The following SEL1L3 variants were observed in gnomAD, a reference collection of about 807,000 sequenced individuals.
The protein encoded by SEL1L3 is protein sel-1 homolog 3.
SEL1L3 carries 76 observed loss-of-function variants against 142.8 expected under a neutral mutation model. That is an observed-to-expected ratio of 0.53 (90% confidence interval 0.44 to 0.64). The LOEUF is 0.64. Ranked by LOEUF, SEL1L3 falls within the 30% of genes least tolerant of loss-of-function variation. The probability of loss-of-function intolerance (pLI) is 0.00; values close to 1 mark genes in which losing one functional copy is unlikely to be tolerated. For synonymous variants in SEL1L3, 504 were observed against 519.6 expected (o/e 0.97, Z 0.41); for missense variants, 1,262 against 1,381.7 (o/e 0.91, Z 1.37).
intron 15 of SEL1L3, 123 bp from the exon 16 acceptor site, chr4:25,779,326 C>G: frequency 2.8e-6 from 3 of 1,073,864 alleles, no homozygotes; most frequent in Non-Finnish European, 3.9e-6. Context: ...AGCTTTAAAA[C>G]CAGGGCAAGC....
At chr4:25,854,920 G>A (rs1717155816) in intron 1 of SEL1L3, among the ~76,000 whole-genome samples, 1 of 152,238 alleles carries the variant, frequency 6.6e-6, no homozygotes, top group African/African-American at 2.4e-5. Flanking sequence ...GAAACTTCGG[G>A]GTGGGGCAAT....
chr4:25,808,192 A>G (rs1048375142), intron 9 of SEL1L3, among the ~76,000 whole-genome samples: 3 of 152,184 alleles, frequency 2.0e-5, no homozygotes, highest in African/African-American at 7.2e-5. Context: ...GTAACTAAAA[A>G]CATGCCTTGT....
chr4:25,754,722 C>T (rs982002357), intron 23 of SEL1L3, among the ~76,000 whole-genome samples: 1 of 152,100 alleles, frequency 6.6e-6, no homozygotes, highest in Admixed American at 6.6e-5. Flanking sequence ...CCTACTGAAC[C>T]AAAATCTACT....
At chr4:25,765,554 T>A (rs1718661489) in intron 19 of SEL1L3, 119 bp from the exon 20 acceptor site, 5 of 664,584 alleles carry the variant, frequency 7.5e-6, no homozygotes, top group Non-Finnish European at 1.3e-5. Flanking sequence ...ATACAGAACA[T>A]CTTTATGTTT....
chr4:25,808,862 A>G (rs1406990224), intron 9 of SEL1L3, among the ~76,000 whole-genome samples: 3 of 152,388 alleles, frequency 2.0e-5, no homozygotes, highest in South Asian at 2.1e-4. Context: ...GAGGTCAGGA[A>G]ATCGAGAACA....
Position 25,862,786 on chromosome 4 carries a change from T to TTGG in SEL1L3, c.50_51insCCA (p.Gln16_Gln17insHis). Reference sequence around the variant, plus strand: ...GGGGGCCGACCGCGAGCGGCGGGGGTTGCTGCTGCTGCTGCCGCGGCCACC... The same window carrying TTGG: ...GGGGGCCGACCGCGAGCGGCGGGGGTTGGTGCTGCTGCTGCTGCCGCGGCCACC... On this transcript the variant is annotated inframe_insertion, in exon 1 of 24. Transcript: ENST00000399878. 8.4e-7 allele frequency: 1 copy of TTGG among 1,186,782 alleles called. No individual in the cohort carries two copies. Among genetic ancestry groups the TTGG allele is most frequent in the East Asian group, 3.7e-5 (1 of 27,178 alleles). 73.5% of individuals were successfully genotyped at this position (1,186,782 alleles called of 1,614,324 possible).
chr4:25,840,132 G>T (rs1317815076), intron 2 of SEL1L3, among the ~76,000 whole-genome samples: 1 of 152,186 alleles, frequency 6.6e-6, no homozygotes, highest in Non-Finnish European at 1.5e-5. Flanking sequence ...TTAAAGAAAG[G>T]TTGAGAATAA....
the SEL1L3 span, among the ~76,000 whole-genome samples, chr4:25,726,295 C>T: frequency 4.6e-5 from 7 of 151,734 alleles, no homozygotes; most frequent in East Asian, 7.8e-4. Flanking sequence ...TTTGTGAGGC[C>T]AAGGCGGGCA....
Position 25,757,781 on chromosome 4 carries a change from G to A in SEL1L3, c.3093C>T (p.Ser1031=), listed in dbSNP as rs1340753407. 2 of 1,577,938 alleles carry A rather than the reference G, an allele frequency of 1.3e-6. No homozygotes were observed. Among genetic ancestry groups the A allele is most frequent in the Non-Finnish European group, 1.7e-6 (2 of 1,162,416 alleles). Residue 1031 remains serine (S), a synonymous_variant, in exon 22 of 24, where the codon AGC becomes AGT. Transcript: ENST00000399878. The part of the protein sequence containing the change: ...ILQELYERCW[S]HSNEESFSPC... ...GGCTGAAGGACTCCTCGTTACTGTG[G>A]CTCCAGCACCTGCAGACAAAGCCCA...
intron 21 of SEL1L3, 58 bp from the exon 22 acceptor site, chr4:25,757,848 G>A: frequency 8.1e-7 from 1 of 1,230,452 alleles, no homozygotes; most frequent in Non-Finnish European, 1.2e-6. Context: ...GCACGACTCA[G>A]GACTGGCATT....
At chr4:25,791,932 T>C (rs1248650164) in intron 11 of SEL1L3, among the ~76,000 whole-genome samples, 1 of 149,094 alleles carries the variant, frequency 6.7e-6, no homozygotes, top group Non-Finnish European at 1.5e-5. Context: ...AAAAAAGTAC[T>C]GAGAGTCACA....
chr4:25,840,546 G>C (rs1716105892), intron 2 of SEL1L3, among the ~76,000 whole-genome samples: 1 of 152,156 alleles, frequency 6.6e-6, no homozygotes. Flanking sequence ...GAGTGGAGAA[G>C]AAGAAAACTG....
intron 13 of SEL1L3, among the ~76,000 whole-genome samples, chr4:25,786,903 C>G (rs1383589258): frequency 6.6e-6 from 1 of 152,206 alleles, no homozygotes; most frequent in African/African-American, 2.4e-5. Context: ...AATGTAGCCA[C>G]AGTCATGGTT....
chr4:25,813,211 C>CA (rs1279742604), intron 9 of SEL1L3, among the ~76,000 whole-genome samples: 3 of 152,080 alleles, frequency 2.0e-5, no homozygotes, highest in Non-Finnish European at 4.4e-5. Flanking sequence ...ATATATCTAA[C>CA]AAAAAATGAA....
chr4:25,843,276 TG>T (rs887227841), intron 2 of SEL1L3, among the ~76,000 whole-genome samples: 5 of 131,452 alleles, frequency 3.8e-5, no homozygotes, highest in African/African-American at 1.5e-4. Context: ...TGGCTGCTGG[TG>T]GGGGGTGAGG....
At chr4:25,745,884 C>A (rs904246952), downstream of SEL1L3, among the ~76,000 whole-genome samples, 4 of 152,232 alleles carry the variant, frequency 2.6e-5, no homozygotes, top group Non-Finnish European at 4.4e-5. Flanking sequence ...ATGTTCCCAA[C>A]AGATTGGAAA....
At chr4:25,805,049 C>A (rs1325638989) in intron 9 of SEL1L3, among the ~76,000 whole-genome samples, 1 of 152,176 alleles carries the variant, frequency 6.6e-6, no homozygotes, top group African/African-American at 2.4e-5. Context: ...TGTAACTCAT[C>A]ACCAAATCAG....
At chr4:25,740,465 T>C in the SEL1L3 span, among the ~76,000 whole-genome samples, 5 of 151,988 alleles carry the variant, frequency 3.3e-5, no homozygotes, top group East Asian at 9.7e-4. Flanking sequence ...TTCCTAGCTT[T>C]CTTACTGGTG....
chr4:25,756,162 C>G, intron 23 of SEL1L3: 1 of 985,446 alleles, frequency 1.0e-6, no homozygotes, highest in Non-Finnish European at 1.2e-6. Context: ...TGCTCCAATG[C>G]CATGTCCAGT....
Sources: gnomAD v4.1 joint callset for allele counts (sites outside exome capture counted in the v4.1 genomes callset) on GRCh38, gnomAD v4.1.1 for gene constraint, MANE v1.5 for transcripts, NCBI Gene and HGNC (gene_info 2026-07-23, HGNC 2026-07-21) for gene names.